SORBS2: variants seen among roughly 807,000 people sequenced by gnomAD.
SORBS2 encodes sorbin and SH3 domain containing 2, also known as sorbin and SH3 domain-containing protein 2.
In SORBS2, 46 loss-of-function variants were observed where a neutral mutation model predicts 97.7. The observed-to-expected ratio is 0.47, with a 90% CI of 0.37 to 0.60. The LOEUF is 0.60. SORBS2 is among the 20% of genes least tolerant of loss of function. The pLI is 0.00. For missense variants in SORBS2, 1,316 were observed against 1,282.3 expected, an observed-to-expected ratio of 1.03 and a Z score of -0.40; for synonymous variants, 476 against 473.4, an observed-to-expected ratio of 1.01 and a Z score of -0.07.
At chr4:185,857,310 C>T (rs1291206266) in intron 1 of SORBS2, among the ~76,000 whole-genome samples, 1 of 152,184 alleles carries the variant, frequency 6.6e-6, no homozygotes, top group East Asian at 1.9e-4. Context: ...CTTATCACTT[C>T]CCCAATCAAT....
At chr4:185,697,445 G>T (rs1217593754) in intron 2 of SORBS2, among the ~76,000 whole-genome samples, 2 of 152,032 alleles carry the variant, frequency 1.3e-5, no homozygotes, top group Admixed American at 6.6e-5. Context: ...TCCTTAAAAA[G>T]ATCCTTTATT....
chr4:185,826,772 A>T (rs2099200086), intron 1 of SORBS2, among the ~76,000 whole-genome samples: 1 of 152,206 alleles, frequency 6.6e-6, no homozygotes, highest in Non-Finnish European at 1.5e-5. Context: ...GTAAAATGGG[A>T]ATCAGAAGAC....
chr4:185,654,406 T>C (rs1197768433), intron 1 of SORBS2, among the ~76,000 whole-genome samples: 1 of 152,336 alleles, frequency 6.6e-6, no homozygotes, highest in East Asian at 1.9e-4. Flanking sequence ...TTCCTGGACG[T>C]GCTGATGGCA....
intron 7 of SORBS2, among the ~76,000 whole-genome samples, chr4:185,622,525 G>C (rs973520440): frequency 3.9e-5 from 6 of 152,106 alleles, no homozygotes; most frequent in African/African-American, 1.2e-4. Context: ...TGAATATAAA[G>C]TTTTAACGTT....
intron 2 of SORBS2, among the ~76,000 whole-genome samples, chr4:185,703,611 T>A (rs535429616): frequency 4.7e-4 from 72 of 152,302 alleles, no homozygotes; most frequent in African/African-American, 1.7e-3. Context: ...ACAATGACAA[T>A]TTGAGTTATT....
intron 2 of SORBS2, among the ~76,000 whole-genome samples, chr4:185,706,013 A>C (rs1583127758): frequency 6.6e-6 from 1 of 151,966 alleles, no homozygotes; most frequent in Non-Finnish European, 1.5e-5. Flanking sequence ...AAAATGGCAA[A>C]GATAATTGAG....
intron 4 of SORBS2, among the ~76,000 whole-genome samples, chr4:185,678,063 G>A (rs533129721): frequency 9.9e-5 from 15 of 152,214 alleles, no homozygotes; most frequent in African/African-American, 2.9e-4. Flanking sequence ...AGCCCTTTTA[G>A]TTAATATAAT....
chr4:185,764,622 T>C (rs1384291817), intron 2 of SORBS2, among the ~76,000 whole-genome samples: 1 of 152,210 alleles, frequency 6.6e-6, no homozygotes, highest in Non-Finnish European at 1.5e-5. Context: ...AATGTATTTA[T>C]GTTTTACATA....
chr4:185,851,512 T>C (rs549993872), intron 1 of SORBS2, among the ~76,000 whole-genome samples: 1 of 152,262 alleles, frequency 6.6e-6, no homozygotes, highest in South Asian at 2.1e-4. Context: ...TTCACATATA[T>C]ATATATTACA....
intron 2 of SORBS2, among the ~76,000 whole-genome samples, chr4:185,768,245 C>T (rs2098948150): frequency 6.6e-6 from 1 of 152,120 alleles, no homozygotes; most frequent in African/African-American, 2.4e-5. Flanking sequence ...TAACAGAATC[C>T]CATGTTCATT....
At chr4:185,586,572 A>G (rs895861065) in exon 15 of SORBS2, 17 of 152,770 alleles carry the variant, frequency 1.1e-4, no homozygotes, top group African/African-American at 3.8e-4. Context: ...CTCTATTTCT[A>G]TAAAATAATG....
chr4:185,798,324 T>A (rs1194848083), intron 1 of SORBS2, among the ~76,000 whole-genome samples: 4 of 152,234 alleles, frequency 2.6e-5, no homozygotes, highest in Admixed American at 6.5e-5. Flanking sequence ...TTTTGCTCAA[T>A]ATCAAACTCT....
At chr4:185,711,247 T>C (rs2098418175) in intron 2 of SORBS2, among the ~76,000 whole-genome samples, 1 of 152,078 alleles carries the variant, frequency 6.6e-6, no homozygotes, top group Non-Finnish European at 1.5e-5. Flanking sequence ...CATCTCAGCC[T>C]CTCAAAGTGC....
intron 2 of SORBS2, chr4:185,770,975 C>CTTTTTTTTTT (rs747070975): frequency 9.6e-5 from 7 of 72,728 alleles, no homozygotes; most frequent in Admixed American, 3.8e-4. Context: ...TCATCGTTTC[C>CTTTTTTTTTT]TTTTTTTTTT....
At chr4:185,688,530 A>T (rs1054808137) in intron 2 of SORBS2, among the ~76,000 whole-genome samples, 2 of 152,218 alleles carry the variant, frequency 1.3e-5, no homozygotes, top group East Asian at 1.9e-4. Context: ...AGATAGATAG[A>T]TAGACAAAAA....
At chr4:185,934,157 G>A (rs1485062908) in intron 1 of SORBS2, among the ~76,000 whole-genome samples, 5 of 152,038 alleles carry the variant, frequency 3.3e-5, no homozygotes, top group Non-Finnish European at 7.4e-5. Flanking sequence ...GTCTTTTCCC[G>A]CATGCCATTG....
At chr4:185,889,641 C>T (rs1561272119) in intron 1 of SORBS2, among the ~76,000 whole-genome samples, 1 of 152,138 alleles carries the variant, frequency 6.6e-6, no homozygotes, top group East Asian at 1.9e-4. Context: ...CACTTGGGTA[C>T]CAAGTGTTCA....
intron 1 of SORBS2, among the ~76,000 whole-genome samples, chr4:185,934,781 C>CAAA (rs397996572): frequency 0.045 from 4,536 of 100,726 alleles, 107 homozygotes; most frequent in Middle Eastern, 0.11. Flanking sequence ...GACTCCATCT[C>CAAA]AAAAAAAAAA....
intron 2 of SORBS2, among the ~76,000 whole-genome samples, chr4:185,704,010 G>T (rs1485768861): frequency 6.6e-6 from 1 of 152,134 alleles, no homozygotes; most frequent in East Asian, 1.9e-4. Context: ...AGAATGATTT[G>T]TACTTCTAAC....
Sources: allele counts gnomAD v4.1 joint callset (sites outside exome capture counted in the v4.1 genomes callset), GRCh38; gene constraint gnomAD v4.1.1; transcripts MANE v1.5; gene names NCBI Gene and HGNC (gene_info 2026-07-23, HGNC 2026-07-21).